TSPAN32: variants seen among roughly 807,000 people sequenced by gnomAD.
TSPAN32 encodes tetraspanin-32.
In TSPAN32, 47 loss-of-function variants were observed where a neutral mutation model predicts 42.7. The observed-to-expected ratio is 1.10, with a 90% CI of 0.87 to 1.40. TSPAN32 has a LOEUF of 1.40. TSPAN32 is among the 40% of genes most tolerant of loss of function. The pLI is 0.00. For synonymous variants in TSPAN32, 175 were observed against 175.9 expected, an observed-to-expected ratio of 0.99 and a Z score of 0.04; for missense variants, 469 against 424.1, an observed-to-expected ratio of 1.11 and a Z score of -0.93.
chr11:2,315,070 AGAGCGGGGCCC>A (rs1848700368), intron 6 of TSPAN32: 5 of 285,768 alleles, frequency 1.7e-5, no homozygotes, highest in East Asian at 1.7e-4. Flanking sequence ...CAGCAACAAC[AGAGCGGGGCCC>A]GAGGCCAGGA....
At chr11:2,303,462 C>T (rs1501467) in intron 2 of TSPAN32, 46,909 of 182,234 alleles carry the variant, frequency 0.26, 7,298 homozygotes, top group Non-Finnish European at 0.35. Flanking sequence ...AGGGCCAGAG[C>T]CTGCTGGGGC....
At chr11:2,303,117 T>C (rs55648810) in intron 2 of TSPAN32, 159 bp downstream of exon 2, 87,939 of 629,690 alleles carry the variant, frequency 0.14, 9,025 homozygotes, top group African/African-American at 0.42. Context: ...GAGTCCTAGC[T>C]CCCCTGGGCA....
chr11:2,303,352 AC>A (rs1422606804), intron 2 of TSPAN32: 1 of 159,764 alleles, frequency 6.3e-6, no homozygotes, highest in African/African-American at 2.9e-5. Flanking sequence ...TCCACTCAGG[AC>A]CTGGGATGTG....
In TSPAN32 at chr11:2,316,790, G is replaced by C. The variant is rs1301478716; in HGVS notation, c.719+123G>C. 3 of 1,106,742 alleles carry C rather than the reference G, an allele frequency of 2.7e-6. No individual in the cohort carries two copies. In the East Asian group the frequency reaches 7.9e-5, roughly 29 times the overall value. The allele number at this position is 1,106,742 out of a possible 1,614,324, so 68.6% of individuals were successfully genotyped here. ...CCAAGCCCCAGGCTGACACTGTAGA[G>C]GAAACGCTTTGGGGGTGGCTGAGCA... On this transcript the variant is annotated intron_variant, in intron 8 of 9. Coordinates refer to ENST00000182290, the MANE Select transcript of TSPAN32 (RefSeq NM_139022.3).
chr11:2,316,866 C>T (rs1848830296), intron 8 of TSPAN32, among the ~76,000 whole-genome samples, 199 bp downstream of exon 8: 1 of 152,064 alleles, frequency 6.6e-6, no homozygotes, highest in South Asian at 2.1e-4. Flanking sequence ...TGCACCGCAC[C>T]CCATGGCCCA....
chr11:2,302,776 G>T (rs778492426), intron 1 of TSPAN32, 68 bp from the exon 2 acceptor site: 4 of 1,365,590 alleles, frequency 2.9e-6, no homozygotes, highest in Non-Finnish European at 2.1e-6. Flanking sequence ...AACCCTGCCC[G>T]CTGGGGCCGA....
intron 6 of TSPAN32, chr11:2,314,776 C>T: frequency 1.7e-6 from 1 of 585,298 alleles, no homozygotes; most frequent in Non-Finnish European, 3.1e-6. Flanking sequence ...CATTGGGTGG[C>T]CAGGCTGGGC....
At position 2,304,018 on chromosome 11, in the gene TSPAN32, A is replaced by C. The variant is rs1034466066; in HGVS notation, c.182-89A>C. The C allele has an allele frequency of 9.9e-7, 1 of 1,006,362 alleles. No homozygotes were observed. Among genetic ancestry groups the C allele is most frequent in the Non-Finnish European group, 1.5e-6 (1 of 658,740 alleles). The allele number at this position is 1,006,362 out of a possible 1,614,324, so 62.3% of individuals were successfully genotyped here. A position where few individuals can be genotyped will look rare whatever the true frequency, so the allele number is the denominator to read the frequency against. On this transcript the variant is annotated intron_variant, in intron 2 of 9. Transcript: ENST00000182290. This position sits in a 1 kb window ranked among gnomAD's most constrained non-coding sequence, Gnocchi z 4.8. ...CCCCAGGAGTCCCTCACGGCCCCTGACTCCCAAGTTAGATTTCACACCCAG... is the reference window on the plus strand; with the variant it reads ...CCCCAGGAGTCCCTCACGGCCCCTGCCTCCCAAGTTAGATTTCACACCCAG...
At chr11:2,305,373 C>CCCA (rs930282238) in intron 3 of TSPAN32, among the ~76,000 whole-genome samples, 2 of 149,128 alleles carry the variant, frequency 1.3e-5, no homozygotes, top group African/African-American at 2.5e-5. Context: ...GTAGTCTGCC[C>CCCA]CCCCCCCCAG....
At chr11:2,309,319 A>G (rs1420031888) in intron 4 of TSPAN32, 1 of 469,610 alleles carries the variant, frequency 2.1e-6, no homozygotes, top group Non-Finnish European at 4.4e-6. Flanking sequence ...TCCACGGAAC[A>G]GCACCCATCC....
chr11:2,314,938 G>T (rs1177180663), intron 6 of TSPAN32: 2 of 324,096 alleles, frequency 6.2e-6, no homozygotes, highest in Non-Finnish European at 1.2e-5. Context: ...CTGTGCCAAG[G>T]GCTGCAGGGC....
In TSPAN32 at chr11:2,313,370, C is replaced by T. The variant is rs928351833; in HGVS notation, c.355-284C>T. ...CTTGTAAGACCACAGCGGAGGCGGACGCAGAGCTTGGCCTCTGCTTTATCC... is the reference window on the plus strand; with the variant it reads ...CTTGTAAGACCACAGCGGAGGCGGATGCAGAGCTTGGCCTCTGCTTTATCC... On this transcript the variant is annotated intron_variant, in intron 4 of 9. Coordinates refer to ENST00000182290, the MANE Select transcript of TSPAN32 (RefSeq NM_139022.3). The surrounding 1 kb of genome is among the most constrained non-coding windows in gnomAD (Gnocchi z 9.1). Among the ~76,000 whole-genome samples, 9 of 152,196 alleles carry T rather than the reference C, an allele frequency of 5.9e-5. No homozygotes were observed. Among genetic ancestry groups the T allele is most frequent in the Admixed American group, 1.3e-4 (2 of 15,282 alleles).
chr11:2,308,938 G>T, intron 4 of TSPAN32, 128 bp downstream of exon 4: 1 of 675,094 alleles, frequency 1.5e-6, no homozygotes, highest in South Asian at 1.9e-5. Flanking sequence ...GGGTGGGGTG[G>T]GGGAGACCGC....
chr11:2,316,006 G>A, intron 6 of TSPAN32: 6 of 1,533,946 alleles, frequency 3.9e-6, no homozygotes, highest in Non-Finnish European at 5.2e-6. Flanking sequence ...CCAGGGCAGT[G>A]CCAGAGTGCC....
chr11:2,308,766 G>C lies in TSPAN32; in HGVS notation c.310G>C (p.Ala104Pro). Residue 104 changes from alanine (A) to proline (P), a missense_variant, in exon 4 of 10, where the codon GCA (alanine) becomes CCA (proline). By Grantham distance (27) the Ala-to-Pro change is conservative. Transcript: ENST00000182290. ...GFLCFSLAFC[A>P]QVQVVFWRLH... is the part of the protein sequence containing the mutation. ...CCTGTGCTTCTCCCTGGCGTTCTGC[G>C]CACAGGTGCAGGTGGTGTTCTGGAG... The C allele has an allele frequency of 6.4e-7, 1 of 1,573,660 alleles. No homozygotes were observed. The highest frequency in any genetic ancestry group is 1.2e-5 in the South Asian group (1 of 85,568).
In TSPAN32 at chr11:2,318,107, G is replaced by A; in HGVS notation, c.*183G>A. On this transcript the variant is annotated 3_prime_UTR_variant, in exon 10 of 10. Transcript: ENST00000182290. The surrounding 1 kb of genome is among the most constrained non-coding windows in gnomAD (Gnocchi z 4.2). ...AGCAATGGTGCATTGAGCAAATTGT[G>A]GTCAAATATACATCACATCAAATTT... 2 of 563,812 alleles carry A rather than the reference G, an allele frequency of 3.5e-6. No individual in the cohort carries two copies. The highest frequency in any genetic ancestry group is 6.2e-6 in the Non-Finnish European group (2 of 321,662). 34.9% of individuals were successfully genotyped at this position (563,812 alleles called of 1,614,324 possible). A position where few individuals can be genotyped will look rare whatever the true frequency, so the allele number is the denominator to read the frequency against.
intron 5 of TSPAN32, 45 bp from the exon 6 acceptor site, chr11:2,314,440 G>A: frequency 6.6e-7 from 1 of 1,518,164 alleles, no homozygotes; most frequent in Admixed American, 1.8e-5. Flanking sequence ...CCGCCTCCTG[G>A]GGTCTCGGGA....
At chr11:2,309,205 T>C (rs1388465775) in intron 4 of TSPAN32, 1 of 391,350 alleles carries the variant, frequency 2.6e-6, no homozygotes, top group Non-Finnish European at 5.4e-6. Flanking sequence ...TTCCAGAAAA[T>C]GAGACCTGAG....
In TSPAN32 at chr11:2,302,409, G is replaced by A. The variant is rs2234292; in HGVS notation, c.66+194G>A. ...GGCAGGGACCACCATGAGCAACCCCGTCTCTCCTCCTGAGGGGCAGCACAG... is the reference window on the plus strand; with the variant it reads ...GGCAGGGACCACCATGAGCAACCCCATCTCTCCTCCTGAGGGGCAGCACAG... On this transcript the variant is annotated intron_variant, in intron 1 of 9. Transcript: ENST00000182290. 3.2e-3 allele frequency among the ~76,000 whole-genome samples: 494 copies of A among 152,328 alleles called. 2 individuals are homozygous for A. The highest frequency in any genetic ancestry group is 0.011 in the African/African-American group (460 of 41,578).
Sources: gnomAD v4.1 joint callset for allele counts (sites outside exome capture counted in the v4.1 genomes callset) on GRCh38, gnomAD v4.1.1 for gene constraint, Gnocchi (gnomAD v3.1) non-coding constraint, MANE v1.5 for transcripts, NCBI Gene and HGNC (gene_info 2026-07-23, HGNC 2026-07-21) for gene names.